Variants in ENGASE observed in about 807,000 individuals in gnomAD.
The protein encoded by ENGASE is endo-beta-N-acetylglucosaminidase, also known as cytosolic endo-beta-N-acetylglucosaminidase.
Under a neutral mutation model 78.5 loss-of-function variants are expected in ENGASE, and 69 were observed. The observed-to-expected ratio is 0.88, with a 90% CI of 0.72 to 1.07. The LOEUF is 1.07. Among genes scored for constraint, ENGASE ranks in the 50% least tolerant of loss-of-function variants. ENGASE has a pLI of 0.00. For synonymous variants in ENGASE, 408 were observed against 408.9 expected, an observed-to-expected ratio of 1.00 and a Z score of 0.03; for missense variants, 943 against 988.4, an observed-to-expected ratio of 0.95 and a Z score of 0.62.
chr17:79,083,711 C>T lies in ENGASE; in HGVS notation c.1252-50C>T, dbSNP rs760192630. ...ACCCTTCCCTGCCGCTCCGGGCACC[C>T]CTGCTCTGTTGGCCTCTGCTGAGTG... On this transcript the variant is annotated intron_variant, in intron 9 of 13. Coordinates refer to ENST00000579016, the MANE Select transcript of ENGASE (RefSeq NM_001042573.3). The surrounding 1 kb of genome is among the most constrained non-coding windows in gnomAD (Gnocchi z 4.9). The T allele has an allele frequency of 1.9e-6, 3 of 1,583,462 alleles. No homozygotes were observed. Among genetic ancestry groups the T allele is most frequent in the Non-Finnish European group, 2.6e-6 (3 of 1,160,440 alleles).
intron 3 of ENGASE, among the ~76,000 whole-genome samples, chr17:79,078,977 C>G (rs2073040334): frequency 6.6e-6 from 1 of 152,158 alleles, no homozygotes; most frequent in Admixed American, 6.5e-5. Context: ...TGCCTGATGC[C>G]CCGGTCAGAG....
Position 79,077,805 on chromosome 17 carries a change from C to T in ENGASE, c.357C>T (p.Ser119=). Residue 119 remains serine, a synonymous_variant, in exon 3 of 14, where the codon AGC becomes AGT. Coordinates refer to ENST00000579016, the MANE Select transcript of ENGASE (RefSeq NM_001042573.3). ...EPLACRQPPL[S]SQRPRTLLCH... ...TGGCGTGTCGCCAGCCCCCTCTGAG[C>T]AGCCAGAGGCCCCGGACTTTGTTGT... 6.2e-7 allele frequency: 1 copy of T among 1,614,058 alleles called. No individual in the cohort carries two copies. Among genetic ancestry groups the T allele is most frequent in the Non-Finnish European group, 8.5e-7 (1 of 1,180,034 alleles).
intron 6 of ENGASE, 86 bp from the exon 7 acceptor site, chr17:79,081,812 G>C (rs950111452): frequency 1.3e-6 from 2 of 1,505,874 alleles, no homozygotes; most frequent in African/African-American, 2.8e-5. Context: ...AGTACTAGGA[G>C]GGGAAAGGCT....
Position 79,081,093 on chromosome 17 carries a change from C to G in ENGASE, c.872+20C>G. On this transcript the variant is annotated intron_variant, in intron 6 of 13. Coordinates refer to ENST00000579016, the MANE Select transcript of ENGASE (RefSeq NM_001042573.3). ...CAACAGGTGAGCCTGCAGACAGGTGCTGTGAGGGGGCAGGTGCCGTGGTGG... is the reference window on the plus strand; with the variant it reads ...CAACAGGTGAGCCTGCAGACAGGTGGTGTGAGGGGGCAGGTGCCGTGGTGG... 8.0e-7 allele frequency: 1 copy of G among 1,247,760 alleles called. No individual in the cohort carries two copies. Among genetic ancestry groups the G allele is most frequent in the Non-Finnish European group, 1.1e-6 (1 of 940,244 alleles). 77.3% of individuals were successfully genotyped at this position (1,247,760 alleles called of 1,614,324 possible). A position where few individuals can be genotyped will look rare whatever the true frequency, so the allele number is the denominator to read the frequency against.
rs1806455 is a variant in ENGASE, at chr17:79,084,611, G to A, written c.1516G>A (p.Asp506Asn). The A allele has an allele frequency of 6.2e-7, 1 of 1,612,276 alleles. No homozygotes were observed. The highest frequency in any genetic ancestry group is 1.7e-5 in the Admixed American group (1 of 59,500). ...GGTGTATAAGCTTGAGGGGCCCACG[G>A]ACGTCACAGTTGCTTTGGAGCTGAC... ...SMVYKLEGPTDVTVALELTTG... is the reference protein window; with the variant it reads ...SMVYKLEGPTNVTVALELTTG... Residue 506 changes from aspartate to asparagine, a missense_variant, in exon 11 of 14, where the codon GAC (aspartate) becomes AAC (asparagine). By Grantham distance (23) the Asp-to-Asn change is conservative. Coordinates refer to ENST00000579016, the MANE Select transcript of ENGASE (RefSeq NM_001042573.3).
At chr17:79,075,303 C>G (rs1383609212) in intron 1 of ENGASE, among the ~76,000 whole-genome samples, 2 of 152,206 alleles carry the variant, frequency 1.3e-5, no homozygotes. Context: ...CCTCCGGCCC[C>G]CGTGCGTGAC....
In ENGASE at chr17:79,080,233, G is replaced by A; in HGVS notation, c.592G>A (p.Gly198Arg). The A allele has an allele frequency of 6.2e-7, 1 of 1,609,242 alleles. No homozygotes were observed. The highest frequency in any genetic ancestry group is 1.1e-5 in the South Asian group (1 of 90,714). ...LGTFITEWNE[G>R]GRLCEAFLAG... ...GACTTTCATCACGGAGTGGAATGAAGGGGGAAGGCTCTGTGAAGCCTTCCT... is the reference window on the plus strand; with the variant it reads ...GACTTTCATCACGGAGTGGAATGAAAGGGGAAGGCTCTGTGAAGCCTTCCT... The change falls in exon 5 of 14, where the codon GGG becomes AGG. Residue 198 changes from glycine (G) to arginine (R), a missense_variant. Coordinates refer to ENST00000579016, the MANE Select transcript of ENGASE (RefSeq NM_001042573.3).
At chr17:79,075,118 C>T (rs534427396) in intron 1 of ENGASE, 28 bp downstream of exon 1, 3 of 1,204,560 alleles carry the variant, frequency 2.5e-6, no homozygotes, top group African/African-American at 1.6e-5. Context: ...GCGTGAACCC[C>T]GATCCGCGGG....
In ENGASE at chr17:79,083,398, G is replaced by T. The variant is rs1271506702; in HGVS notation, c.1143-84G>T. ...GTCTTGGAGGGTGCAGGAGAGCCTCGAGTTTCCACCAGCAAGTTTGAGGGA... is the reference window on the plus strand; with the variant it reads ...GTCTTGGAGGGTGCAGGAGAGCCTCTAGTTTCCACCAGCAAGTTTGAGGGA... On this transcript the variant is annotated intron_variant, in intron 8 of 13. Transcript: ENST00000579016. This position sits in a 1 kb window ranked among gnomAD's most constrained non-coding sequence, Gnocchi z 4.9. 1 of 1,065,214 alleles carries T rather than the reference G, an allele frequency of 9.4e-7. No individual in the cohort carries two copies. The highest frequency in any genetic ancestry group is 2.0e-5 in the Admixed American group (1 of 50,242). 66.0% of individuals were successfully genotyped at this position (1,065,214 alleles called of 1,614,324 possible). A position where few individuals can be genotyped will look rare whatever the true frequency, so the allele number is the denominator to read the frequency against.
intron 11 of ENGASE, 29 bp from the exon 12 acceptor site, chr17:79,085,204 CT>C (rs1384818123): frequency 1.3e-6 from 2 of 1,573,190 alleles, no homozygotes; most frequent in Non-Finnish European, 1.7e-6. Flanking sequence ...TGAGATTCTC[CT>C]TTTTCAAGTT....
At chr17:79,085,365 G>C in intron 12 of ENGASE, 23 bp downstream of exon 12, 2 of 1,560,814 alleles carry the variant, frequency 1.3e-6, no homozygotes, top group Non-Finnish European at 1.7e-6. Flanking sequence ...GCTTCTTCAC[G>C]TCCTTCTCCC....
At chr17:79,080,019 GCTTCCGTCACCAGGACTGCTGGT>G (rs1381534277) in intron 4 of ENGASE, among the ~76,000 whole-genome samples, 165 bp from the exon 5 acceptor site, 4 of 152,368 alleles carry the variant, frequency 2.6e-5, no homozygotes, top group Non-Finnish European at 5.9e-5. Flanking sequence ...TCGTTGATGG[GCTTCCGTCACCAGGACTGCTGGT>G]CTGCACTGGC....
chr17:79,083,281 C>T lies in ENGASE; in HGVS notation c.1142+158C>T, dbSNP rs1051838142. 1.2e-5 allele frequency: 9 copies of T among 721,182 alleles called. No homozygotes were observed. Among genetic ancestry groups the T allele is most frequent in the South Asian group, 7.2e-5 (4 of 55,552 alleles). 44.7% of individuals were successfully genotyped at this position (721,182 alleles called of 1,614,324 possible). ...AGGAAGCCAGCACCCTGGCTGCTTC[C>T]GGGCAGGGACCAAACCCAGCGGCCG... On this transcript the variant is annotated intron_variant, in intron 8 of 13. Transcript: ENST00000579016. This position sits in a 1 kb window ranked among gnomAD's most constrained non-coding sequence, Gnocchi z 4.9.
At chr17:79,075,285 G>C (rs1440768972) in intron 1 of ENGASE, among the ~76,000 whole-genome samples, 195 bp downstream of exon 1, 2 of 152,212 alleles carry the variant, frequency 1.3e-5, no homozygotes, top group Non-Finnish European at 2.9e-5. Flanking sequence ...GCCACTGCCG[G>C]GCAGCGGCCT....
In ENGASE at chr17:79,087,312, G is replaced by A. The variant is rs1373637989; in HGVS notation, c.*963G>A. The A allele has an allele frequency of 1.8e-5, 6 of 330,154 alleles. No individual in the cohort carries two copies. The highest frequency in any genetic ancestry group is 6.5e-5 in the African/African-American group (3 of 46,398). The allele number at this position is 330,154 out of a possible 1,614,324, so 20.5% of individuals were successfully genotyped here. ...CTTCACGTCCTCCCTTCTCAGCCTC[G>A]TCCAAGCACCGGGAAGACCTCCAGG... On this transcript the variant is annotated 3_prime_UTR_variant, in exon 14 of 14. Transcript: ENST00000579016.
In ENGASE at chr17:79,082,033, C is replaced by G. The variant is rs751971083; in HGVS notation, c.1008C>G (p.Asn336Lys). The G allele has an allele frequency of 6.8e-6, 11 of 1,614,216 alleles. No individual in the cohort carries two copies. The highest frequency in any genetic ancestry group is 1.6e-4 in the Middle Eastern group (1 of 6,062). ...YVGVDVFARG[N>K]VVGGRFDTDK... The stretch of plus-strand genomic sequence containing the variant: ...GCGTGGATGTGTTTGCTCGAGGGAA[C>G]GTGGTCGGAGGCCGATTCGACACAG... Residue 336 changes from asparagine to lysine, a missense_variant, in exon 7 of 14, where the codon AAC becomes AAG. Transcript: ENST00000579016.
chr17:79,079,694 G>C (rs2073074799), intron 4 of ENGASE, 57 bp downstream of exon 4: 2 of 1,579,516 alleles, frequency 1.3e-6, no homozygotes, highest in Non-Finnish European at 1.7e-6. Flanking sequence ...ACCAGCCAGG[G>C]GACCCCGTGA....
In ENGASE at chr17:79,086,967, C is replaced by T. The variant is rs1368409790; in HGVS notation, c.*618C>T. The T allele has an allele frequency of 2.0e-6, 1 of 499,372 alleles. No individual in the cohort carries two copies. The highest frequency in any genetic ancestry group is 4.0e-6 in the Non-Finnish European group (1 of 250,922). 30.9% of individuals were successfully genotyped at this position (499,372 alleles called of 1,614,324 possible). A position where few individuals can be genotyped will look rare whatever the true frequency, so the allele number is the denominator to read the frequency against. On this transcript the variant is annotated 3_prime_UTR_variant, in exon 14 of 14. Coordinates refer to ENST00000579016, the MANE Select transcript of ENGASE (RefSeq NM_001042573.3). ...CTTCGTGCCTCCACGTGGGCCAGCC[C>T]CAGCTGCTCCGTGTTTCCTGGCGTT...
chr17:79,085,817 T>G (rs2073282266), intron 13 of ENGASE, 83 bp downstream of exon 13: 2 of 1,599,908 alleles, frequency 1.3e-6, no homozygotes, highest in African/African-American at 2.7e-5. Context: ...GGCCGCCCCC[T>G]TCTTGGGTTC....
Sources: allele counts gnomAD v4.1 joint callset (sites outside exome capture counted in the v4.1 genomes callset), GRCh38; gene constraint gnomAD v4.1.1; non-coding constraint Gnocchi (gnomAD v3.1); transcripts MANE v1.5; gene names NCBI Gene and HGNC (gene_info 2026-07-23, HGNC 2026-07-21).